The following PPARGC1A variants were observed in gnomAD, a reference collection of about 807,000 sequenced individuals.
PPARGC1A encodes peroxisome proliferator-activated receptor gamma coactivator 1-alpha.
In PPARGC1A, 25 loss-of-function variants were observed where a neutral mutation model predicts 88.7. That is an observed-to-expected ratio of 0.28 (90% CI 0.21 to 0.39). The LOEUF is 0.39. PPARGC1A is among the 10% of genes least tolerant of loss of function. The pLI, the probability that PPARGC1A is intolerant of heterozygous loss-of-function variation, is 1.00. For missense variants in PPARGC1A, 880 were observed against 968.7 expected (o/e 0.91, Z 1.22); for synonymous variants, 363 against 355.6 (o/e 1.02, Z -0.24).
At chr4:23,942,369 T>G in the PPARGC1A span, among the ~76,000 whole-genome samples, 1 of 152,188 alleles carries the variant, frequency 6.6e-6, no homozygotes, top group African/African-American at 2.4e-5. Context: ...TTCTTGTCAA[T>G]TCTGCATGGT....
the PPARGC1A span, among the ~76,000 whole-genome samples, chr4:24,459,709 G>A: frequency 3.3e-5 from 5 of 152,194 alleles, no homozygotes; most frequent in Admixed American, 1.3e-4. Flanking sequence ...AGACTTGCTT[G>A]AGCCCCAAGA....
At chr4:23,957,898 G>C in the PPARGC1A span, among the ~76,000 whole-genome samples, 3 of 152,086 alleles carry the variant, frequency 2.0e-5, no homozygotes, top group African/African-American at 7.2e-5. Context: ...AACCTGGAAT[G>C]TTGACAAAAA....
At chr4:23,828,007 ATCAC>A (rs547957369) in intron 5 of PPARGC1A, among the ~76,000 whole-genome samples, 46 of 152,276 alleles carry the variant, frequency 3.0e-4, no homozygotes, top group Middle Eastern at 6.8e-3. Context: ...TATATAACAA[ATCAC>A]TGGTGCCTCA....
the PPARGC1A span, among the ~76,000 whole-genome samples, chr4:24,371,226 G>A: frequency 1.3e-5 from 2 of 152,106 alleles, no homozygotes; most frequent in South Asian, 4.1e-4. Context: ...ATTGTAAATA[G>A]TGCTGCAATA....
chr4:24,451,600 A>G, the PPARGC1A span, among the ~76,000 whole-genome samples: 1 of 151,954 alleles, frequency 6.6e-6, no homozygotes, highest in East Asian at 1.9e-4. Context: ...GTTTTTTGAG[A>G]TGGTGTCTTG....
chr4:24,295,761 A>G, the PPARGC1A span, among the ~76,000 whole-genome samples: 1 of 150,570 alleles, frequency 6.6e-6, no homozygotes, highest in Admixed American at 6.6e-5. Flanking sequence ...GTATTTATAT[A>G]TGTATTACAC....
chr4:24,201,470 G>T, the PPARGC1A span, among the ~76,000 whole-genome samples: 1 of 152,162 alleles, frequency 6.6e-6, no homozygotes, highest in African/African-American at 2.4e-5. Flanking sequence ...GATTATTGCG[G>T]CTACTCCCCA....
the PPARGC1A span, among the ~76,000 whole-genome samples, chr4:24,433,738 A>C: frequency 6.6e-6 from 1 of 152,052 alleles, no homozygotes; most frequent in Non-Finnish European, 1.5e-5. Flanking sequence ...GGGTCATCTT[A>C]GGCCCCCTAT....
chr4:24,003,570 A>G, the PPARGC1A span, among the ~76,000 whole-genome samples: 8 of 152,180 alleles, frequency 5.3e-5, no homozygotes, highest in African/African-American at 1.9e-4. Context: ...CCAACCACAC[A>G]GACATCTTCC....
chr4:23,974,891 G>A, the PPARGC1A span, among the ~76,000 whole-genome samples: 1 of 139,690 alleles, frequency 7.2e-6, no homozygotes, highest in African/African-American at 2.7e-5. Flanking sequence ...TCCTGACCTC[G>A]TGATCCGCCC....
chr4:23,819,378 C>G lies in PPARGC1A; in HGVS notation c.878-4773G>C, dbSNP rs60978568. ...ATTTTAAGTATTTCTCCTATCACCCCTGGTTACTGGGTAACAAACTGGCCT... is the reference window on the plus strand; with the variant it reads ...ATTTTAAGTATTTCTCCTATCACCCGTGGTTACTGGGTAACAAACTGGCCT... On this transcript the variant is annotated intron_variant, in intron 7 of 12. Coordinates refer to ENST00000264867, the MANE Select transcript of PPARGC1A (RefSeq NM_013261.5). 4.9e-3 allele frequency among the ~76,000 whole-genome samples: 743 copies of G among 152,270 alleles called. 4 individuals are homozygous for G. Among genetic ancestry groups the G allele is most frequent in the Non-Finnish European group, 8.6e-3 (582 of 68,008 alleles).
chr4:23,794,535 C>T lies in PPARGC1A; in HGVS notation c.*1287G>A, dbSNP rs1247482237. ...CACACTGTCTTTTTGTTTTTACAAT[C>T]AAATATATATAAGCAGTAAGTTCAG... On this transcript the variant is annotated 3_prime_UTR_variant, in exon 13 of 13. Coordinates refer to ENST00000264867, the MANE Select transcript of PPARGC1A (RefSeq NM_013261.5). The T allele has an allele frequency of 1.3e-5, 2 of 152,436 alleles. No homozygotes were observed. The highest frequency in any genetic ancestry group is 2.4e-5 in the African/African-American group (1 of 41,416). The allele number at this position is 152,436 out of a possible 1,614,324, so 9.4% of individuals were successfully genotyped here.
the PPARGC1A span, among the ~76,000 whole-genome samples, chr4:24,421,272 A>G: frequency 6.6e-6 from 1 of 150,718 alleles, no homozygotes; most frequent in Non-Finnish European, 1.5e-5. Context: ...TCAAAACATT[A>G]TTTATTGTTT....
chr4:23,889,970 T>A lies in PPARGC1A; in HGVS notation c.-13A>T. ...TGTCCCACGCCATCCAGCTCCTGAA[T>A]GACGCCAGTCAAGCTTTTTCAACTC... On this transcript the variant is annotated 5_prime_UTR_variant, in exon 1 of 13. Coordinates refer to ENST00000264867, the MANE Select transcript of PPARGC1A (RefSeq NM_013261.5). 1.2e-6 allele frequency: 2 copies of A among 1,613,748 alleles called. No homozygotes were observed. The highest frequency in any genetic ancestry group is 1.7e-6 in the Non-Finnish European group (2 of 1,179,772).
the PPARGC1A span, among the ~76,000 whole-genome samples, chr4:24,049,322 A>ATATATATATGTG: frequency 3.5e-5 from 5 of 141,984 alleles, no homozygotes; most frequent in African/African-American, 1.3e-4. Context: ...ATATATATAT[A>ATATATATATGTG]TGTGTGTGTG....
At chr4:24,028,533 A>G in the PPARGC1A span, among the ~76,000 whole-genome samples, 6 of 152,206 alleles carry the variant, frequency 3.9e-5, no homozygotes, top group African/African-American at 1.4e-4. Context: ...CTCAGGGTCC[A>G]GCCCACTTTA....
At chr4:24,315,070 G>A in the PPARGC1A span, among the ~76,000 whole-genome samples, 1 of 147,028 alleles carries the variant, frequency 6.8e-6, no homozygotes, top group Non-Finnish European at 1.5e-5. Flanking sequence ...TCAAGGATCA[G>A]ACCAAAAGCC....
the PPARGC1A span, among the ~76,000 whole-genome samples, chr4:24,154,775 C>T: frequency 6.6e-6 from 1 of 152,234 alleles, no homozygotes; most frequent in South Asian, 2.1e-4. Context: ...TACAATCACT[C>T]CGAAACACAA....
chr4:24,169,335 T>G, the PPARGC1A span, among the ~76,000 whole-genome samples: 1 of 152,070 alleles, frequency 6.6e-6, no homozygotes, highest in Non-Finnish European at 1.5e-5. Flanking sequence ...GGGTCCTGGA[T>G]GGGATCCCAG....
Sources: gnomAD v4.1 joint callset for allele counts (sites outside exome capture counted in the v4.1 genomes callset) on GRCh38, gnomAD v4.1.1 for gene constraint, MANE v1.5 for transcripts, NCBI Gene and HGNC (gene_info 2026-07-23, HGNC 2026-07-21) for gene names.